VMP1: variants seen among roughly 807,000 people sequenced by gnomAD.
VMP1 encodes ectopic P-granules autophagy protein 3 homolog.
Under a neutral mutation model 56.0 loss-of-function variants are expected in VMP1, and 11 were observed. That is an observed-to-expected ratio of 0.20 (90% CI 0.12 to 0.32). The LOEUF is 0.32. Among genes scored for constraint, VMP1 ranks in the 10% least tolerant of loss-of-function variants. VMP1 has a pLI of 1.00. For missense variants in VMP1, 296 were observed against 490.3 expected (o/e 0.60, Z 3.74); for synonymous variants, 149 against 165.0 (o/e 0.90, Z 0.74).
chr17:59,732,389 T>A (rs1041093413), intron 2 of VMP1, among the ~76,000 whole-genome samples: 1 of 152,130 alleles, frequency 6.6e-6, no homozygotes, highest in South Asian at 2.1e-4. Context: ...ATTAAAGGCA[T>A]GCGCCACCAC....
chr17:59,804,476 G>A (rs997352692), intron 7 of VMP1, among the ~76,000 whole-genome samples: 14 of 151,834 alleles, frequency 9.2e-5, no homozygotes, highest in African/African-American at 3.1e-4. Context: ...TCATCCGGGC[G>A]TTGCGGTGTG....
intron 1 of VMP1, among the ~76,000 whole-genome samples, chr17:59,723,476 A>G (rs1316352761): frequency 1.3e-5 from 2 of 152,252 alleles, no homozygotes; most frequent in Non-Finnish European, 1.5e-5. Context: ...TAAGAGATTC[A>G]GTAAGACATG....
chr17:59,775,655 A>T (rs2036594647), intron 7 of VMP1, among the ~76,000 whole-genome samples: 1 of 152,228 alleles, frequency 6.6e-6, no homozygotes, highest in Non-Finnish European at 1.5e-5. Context: ...TTAACAGTTC[A>T]AACTATTCAG....
chr17:59,787,277 ATTTAC>A (rs1297916317), intron 7 of VMP1, among the ~76,000 whole-genome samples: 2 of 152,146 alleles, frequency 1.3e-5, no homozygotes, highest in Non-Finnish European at 2.9e-5. Flanking sequence ...CTCTAGAAGC[ATTTAC>A]TTTATTTTGA....
intron 5 of VMP1, among the ~76,000 whole-genome samples, chr17:59,748,623 G>T (rs2035522199): frequency 6.6e-6 from 1 of 152,112 alleles, no homozygotes; most frequent in Non-Finnish European, 1.5e-5. Flanking sequence ...GTAAATGCAA[G>T]GTATTCAATA....
Position 59,811,789 on chromosome 17 carries a change from A to C in VMP1, c.912+3A>C. On this transcript the variant is annotated splice_donor_region_variant and intron_variant, in intron 9 of 11. Coordinates refer to ENST00000262291, the MANE Select transcript of VMP1 (RefSeq NM_030938.5). ...CAATAATAAAAATGCATATCCAGGT[A>C]ATTATACCCCCTGATTCACTGCCTA... 6.3e-7 allele frequency: 1 copy of C among 1,575,070 alleles called. No homozygotes were observed. Among genetic ancestry groups the C allele is most frequent in the Non-Finnish European group, 8.7e-7 (1 of 1,144,538 alleles).
chr17:59,759,796 C>T lies in VMP1; in HGVS notation c.415-5175C>T, dbSNP rs561689140. 3.9e-5 allele frequency among the ~76,000 whole-genome samples: 6 copies of T among 152,044 alleles called. No homozygotes were observed. The East Asian group carries it at 9.7e-4, about 24-fold the overall frequency. On this transcript the variant is annotated intron_variant, in intron 5 of 11. Coordinates refer to ENST00000262291, the MANE Select transcript of VMP1 (RefSeq NM_030938.5). ...CAATATGATTGGGTTTAAGTCTACC[C>T]TCAAACTGTTTGTCATATCTAATTT...
At chr17:59,795,098 C>T (rs1394000818) in intron 7 of VMP1, among the ~76,000 whole-genome samples, 3 of 148,902 alleles carry the variant, frequency 2.0e-5, no homozygotes, top group Non-Finnish European at 4.4e-5. Context: ...GCCTCAGTCT[C>T]CCAAGTAGCT....
intron 2 of VMP1, among the ~76,000 whole-genome samples, chr17:59,733,815 T>C (rs769582264): frequency 2.6e-5 from 4 of 152,224 alleles, no homozygotes; most frequent in Middle Eastern, 3.2e-3. Context: ...ACTTTACATA[T>C]ATGAGCTCAT....
chr17:59,731,838 A>T (rs948343675), intron 2 of VMP1, among the ~76,000 whole-genome samples: 6 of 152,354 alleles, frequency 3.9e-5, no homozygotes, highest in South Asian at 4.1e-4. Context: ...AGTAGATTAT[A>T]AACTTACTAC....
intron 2 of VMP1, among the ~76,000 whole-genome samples, chr17:59,732,861 A>AC (rs569708948): frequency 1.4e-4 from 21 of 152,234 alleles, no homozygotes; most frequent in African/African-American, 5.1e-4. Context: ...TTATGCTATA[A>AC]CTGTACATGA....
intron 2 of VMP1, among the ~76,000 whole-genome samples, chr17:59,734,816 A>G (rs924349888): frequency 2.0e-5 from 3 of 151,822 alleles, no homozygotes; most frequent in South Asian, 2.1e-4. Flanking sequence ...TTTTCAGACC[A>G]TAGTTGACCA....
At chr17:59,765,599 A>C (rs2036203599) in intron 6 of VMP1, among the ~76,000 whole-genome samples, 1 of 152,208 alleles carries the variant, frequency 6.6e-6, no homozygotes, top group Non-Finnish European at 1.5e-5. Context: ...ATTACAAAGA[A>C]AATTATAAGG....
intron 5 of VMP1, among the ~76,000 whole-genome samples, chr17:59,749,386 T>A (rs1219176869): frequency 1.3e-5 from 2 of 152,116 alleles, no homozygotes; most frequent in Non-Finnish European, 1.5e-5. Flanking sequence ...GAAGAGAGAC[T>A]GGCCAAGGAT....
At chr17:59,791,491 C>CTT (rs1208305582) in intron 7 of VMP1, among the ~76,000 whole-genome samples, 13 of 127,088 alleles carry the variant, frequency 1.0e-4, no homozygotes, top group South Asian at 2.5e-4. Context: ...GTGCCCGGCT[C>CTT]TTTTTTTTTT....
At chr17:59,832,761 ATTTTTT>A (rs71145580) in intron 10 of VMP1, among the ~76,000 whole-genome samples, 15 of 101,312 alleles carry the variant, frequency 1.5e-4, no homozygotes, top group South Asian at 6.6e-4. Flanking sequence ...GCCTGGCAAT[ATTTTTT>A]TTTTTTTTTT....
At position 59,840,565 on chromosome 17, in the gene VMP1, T is replaced by TTA. The variant is rs1182224843; in HGVS notation, c.*657_*658dup. 6.5e-6 allele frequency: 1 copy of TTA among 152,678 alleles called. No homozygotes were observed. The highest frequency in any genetic ancestry group is 1.5e-5 in the Non-Finnish European group (1 of 68,058). 9.5% of individuals were successfully genotyped at this position (152,678 alleles called of 1,614,324 possible). ...TTAGAATGAAGTCTTGAAAAAAACT[T>TTA]TATAAAGACATCTTTAATCATTCCA... On this transcript the variant is annotated 3_prime_UTR_variant, in exon 12 of 12. Transcript: ENST00000262291.
chr17:59,791,258 G>A (rs1193541326), intron 7 of VMP1, among the ~76,000 whole-genome samples: 2 of 148,520 alleles, frequency 1.3e-5, no homozygotes, highest in African/African-American at 2.5e-5. Flanking sequence ...GCACAATCTC[G>A]GCTGACTGCA....
At chr17:59,747,554 C>T (rs1014793665) in intron 5 of VMP1, among the ~76,000 whole-genome samples, 2 of 151,348 alleles carry the variant, frequency 1.3e-5, no homozygotes. Flanking sequence ...GGATTACAGT[C>T]GCGTGCCACT....
Sources: gnomAD v4.1 joint callset for allele counts (sites outside exome capture counted in the v4.1 genomes callset) on GRCh38, gnomAD v4.1.1 for gene constraint, MANE v1.5 for transcripts, NCBI Gene and HGNC (gene_info 2026-07-23, HGNC 2026-07-21) for gene names.